Variants in CNTNAP2 observed in about 807,000 individuals in gnomAD.
The protein encoded by CNTNAP2 is contactin-associated protein-like 2.
In CNTNAP2, 98 loss-of-function variants were observed where a neutral mutation model predicts 155.2. The observed-to-expected ratio is 0.63, with a 90% CI of 0.54 to 0.75. The LOEUF is 0.75. Ranked by LOEUF, CNTNAP2 falls within the 30% of genes least tolerant of loss-of-function variation. CNTNAP2 has a pLI of 0.00. For missense variants in CNTNAP2, 1,727 were observed against 1,688.1 expected, an observed-to-expected ratio of 1.02 and a Z score of -0.40; for synonymous variants, 651 against 631.2, an observed-to-expected ratio of 1.03 and a Z score of -0.47.
At chr7:147,696,467 T>A (rs1188429576) in intron 13 of CNTNAP2, among the ~76,000 whole-genome samples, 2 of 152,158 alleles carry the variant, frequency 1.3e-5, no homozygotes, top group Non-Finnish European at 2.9e-5. Flanking sequence ...TAACAAAATA[T>A]TTTGAATCCC....
At chr7:146,961,129 C>G (rs1173621522) in intron 3 of CNTNAP2, among the ~76,000 whole-genome samples, 1 of 152,172 alleles carries the variant, frequency 6.6e-6, no homozygotes, top group Non-Finnish European at 1.5e-5. Context: ...AGGAACAAAA[C>G]TATTATTCAT....
At chr7:147,824,048 A>G (rs1461500708) in intron 13 of CNTNAP2, among the ~76,000 whole-genome samples, 1 of 152,092 alleles carries the variant, frequency 6.6e-6, no homozygotes, top group Non-Finnish European at 1.5e-5. Context: ...AAACCAGTAA[A>G]CCTTTTATTC....
At chr7:147,198,275 G>C (rs537457973) in intron 8 of CNTNAP2, among the ~76,000 whole-genome samples, 1 of 140,932 alleles carries the variant, frequency 7.1e-6, no homozygotes, top group Middle Eastern at 3.8e-3. Context: ...TCGTAGGCCC[G>C]GGCTAGAGTG....
At chr7:146,325,669 G>T (rs543251815) in intron 1 of CNTNAP2, among the ~76,000 whole-genome samples, 6 of 151,964 alleles carry the variant, frequency 3.9e-5, no homozygotes, top group Admixed American at 1.3e-4. Context: ...GTGAACATAG[G>T]CAGGACTGGC....
intron 13 of CNTNAP2, among the ~76,000 whole-genome samples, chr7:147,690,872 T>C (rs1457219945): frequency 1.3e-5 from 2 of 152,164 alleles, no homozygotes; most frequent in Non-Finnish European, 2.9e-5. Context: ...GTATTTGCAA[T>C]GTAATTATTG....
chr7:147,689,307 GC>G (rs1455836869), intron 13 of CNTNAP2, among the ~76,000 whole-genome samples: 4 of 151,830 alleles, frequency 2.6e-5, no homozygotes, highest in Non-Finnish European at 5.9e-5. Flanking sequence ...GCACCACCAA[GC>G]CCAGTTAATT....
At chr7:146,417,101 A>G (rs1022377719) in intron 1 of CNTNAP2, among the ~76,000 whole-genome samples, 1 of 152,110 alleles carries the variant, frequency 6.6e-6, no homozygotes, top group African/African-American at 2.4e-5. Flanking sequence ...GCAGAAGAGA[A>G]AGAATTCTTA....
At chr7:147,340,423 T>G (rs1795741473) in intron 9 of CNTNAP2, among the ~76,000 whole-genome samples, 1 of 152,182 alleles carries the variant, frequency 6.6e-6, no homozygotes, top group Admixed American at 6.6e-5. Flanking sequence ...CTGTGCTTTT[T>G]ATTTTTATAT....
chr7:147,005,901 C>T (rs1355928792), intron 3 of CNTNAP2, among the ~76,000 whole-genome samples: 1 of 151,902 alleles, frequency 6.6e-6, no homozygotes, highest in Admixed American at 6.6e-5. Context: ...TTGGGGTATC[C>T]TATCCTGGTT....
intron 9 of CNTNAP2, among the ~76,000 whole-genome samples, chr7:147,339,652 A>T (rs141542538): frequency 9.7e-4 from 148 of 152,302 alleles, no homozygotes; most frequent in African/African-American, 2.5e-3. Context: ...AAAAAATTAA[A>T]TATTCTGTGT....
At chr7:146,137,486 A>G (rs951026905) in intron 1 of CNTNAP2, among the ~76,000 whole-genome samples, 2 of 152,156 alleles carry the variant, frequency 1.3e-5, no homozygotes, top group African/African-American at 4.8e-5. Flanking sequence ...AACACAAAGA[A>G]ATATTTAGGA....
At chr7:146,758,355 G>A (rs993190165) in intron 1 of CNTNAP2, among the ~76,000 whole-genome samples, 2 of 152,134 alleles carry the variant, frequency 1.3e-5, no homozygotes, top group African/African-American at 2.4e-5. Context: ...TCCTGGCTGT[G>A]TGAACATAAA....
chr7:148,333,857 T>G (rs1798073085), intron 21 of CNTNAP2, among the ~76,000 whole-genome samples: 1 of 151,646 alleles, frequency 6.6e-6, no homozygotes, highest in Admixed American at 6.6e-5. Flanking sequence ...ATGCCAGTGT[T>G]GGATGTTCTA....
At chr7:147,946,835 A>G (rs1800828464) in intron 14 of CNTNAP2, among the ~76,000 whole-genome samples, 1 of 152,260 alleles carries the variant, frequency 6.6e-6, no homozygotes, top group Non-Finnish European at 1.5e-5. Flanking sequence ...AAATGAGTAA[A>G]TGACAAGAGG....
intron 1 of CNTNAP2, among the ~76,000 whole-genome samples, chr7:146,659,040 G>T (rs1431081187): frequency 1.3e-5 from 2 of 152,168 alleles, no homozygotes. Context: ...CTGACCGTGG[G>T]TACTTCTGGT....
intron 3 of CNTNAP2, among the ~76,000 whole-genome samples, chr7:146,938,097 A>G (rs1585169514): frequency 6.6e-6 from 1 of 152,170 alleles, no homozygotes; most frequent in Non-Finnish European, 1.5e-5. Context: ...TAGTTAATCT[A>G]TAACAAAGAT....
At position 147,587,181 on chromosome 7, in the gene CNTNAP2, G is replaced by T. The variant is rs112095476; in HGVS notation, c.1897+24924G>T. Reference sequence around the variant, plus strand: ...CTTCATTAGGTGTTGCTCTCTATTTGATTTACAGAATGCAGGGTCAGCACT... The same window carrying T: ...CTTCATTAGGTGTTGCTCTCTATTTTATTTACAGAATGCAGGGTCAGCACT... On this transcript the variant is annotated intron_variant, in intron 12 of 23. Coordinates refer to ENST00000361727, the MANE Select transcript of CNTNAP2 (RefSeq NM_014141.6). Among the ~76,000 whole-genome samples, 14 of 152,270 alleles carry T rather than the reference G, an allele frequency of 9.2e-5. 1 individual carries two copies. Among genetic ancestry groups the T allele is most frequent in the African/African-American group, 3.4e-4 (14 of 41,576 alleles).
chr7:146,307,353 T>G (rs1800732265), intron 1 of CNTNAP2, among the ~76,000 whole-genome samples: 1 of 152,110 alleles, frequency 6.6e-6, no homozygotes, highest in Admixed American at 6.5e-5. Context: ...TGGAAGAACA[T>G]TCCATGCTCA....
intron 15 of CNTNAP2, among the ~76,000 whole-genome samples, chr7:148,093,216 A>G (rs773103429): frequency 6.6e-6 from 1 of 152,166 alleles, no homozygotes; most frequent in Non-Finnish European, 1.5e-5. Flanking sequence ...ATTTTTTTAA[A>G]AAGGAAAGCT....
Sources: gnomAD v4.1 joint callset for allele counts (sites outside exome capture counted in the v4.1 genomes callset) on GRCh38, gnomAD v4.1.1 for gene constraint, MANE v1.5 for transcripts, NCBI Gene and HGNC (gene_info 2026-07-23, HGNC 2026-07-21) for gene names.